The following RBFOX1 variants were observed in gnomAD, a reference collection of about 807,000 sequenced individuals.
RBFOX1 encodes the protein RNA binding protein fox-1 homolog 1.
Under a neutral mutation model 57.7 loss-of-function variants are expected in RBFOX1, and 8 were observed. That is an observed-to-expected ratio of 0.14 (90% CI 0.08 to 0.25). The LOEUF (loss-of-function observed/expected upper bound fraction) is 0.25, where lower values mean the gene tolerates loss of function less well. RBFOX1 is among the 10% of genes least tolerant of loss of function. The pLI is 1.00. For synonymous variants in RBFOX1, 326 were observed against 222.4 expected (o/e 1.47, Z -4.15); for missense variants, 611 against 548.5 (o/e 1.11, Z -1.14).
At chr16:7,514,947 T>G (rs2076029332) in intron 4 of RBFOX1, among the ~76,000 whole-genome samples, 2 of 152,212 alleles carry the variant, frequency 1.3e-5, no homozygotes, top group Non-Finnish European at 2.9e-5. Context: ...AACCTTTGTC[T>G]TCATATGATC....
At chr16:7,196,371 T>C (rs1320040282) in intron 4 of RBFOX1, among the ~76,000 whole-genome samples, 3 of 151,970 alleles carry the variant, frequency 2.0e-5, no homozygotes, top group Non-Finnish European at 4.4e-5. Flanking sequence ...TCACTCCCCC[T>C]CTCCCCAGCC....
chr16:6,541,941 TC>T (rs202145806), intron 2 of RBFOX1, among the ~76,000 whole-genome samples: 2 of 150,058 alleles, frequency 1.3e-5, no homozygotes, highest in Non-Finnish European at 2.9e-5. Context: ...GATTTACATC[TC>T]CCCCTTTTTT....
intron 3 of RBFOX1, among the ~76,000 whole-genome samples, chr16:6,919,787 C>G (rs368161874): frequency 2.2e-5 from 1 of 44,490 alleles, no homozygotes; most frequent in African/African-American, 8.5e-5. Context: ...TTTTTTTTTT[C>G]ATTATTATTA....
At chr16:5,467,787 A>C (rs1412037404) in intron 2 of RBFOX1, among the ~76,000 whole-genome samples, 1 of 152,352 alleles carries the variant, frequency 6.6e-6, no homozygotes, top group South Asian at 2.1e-4. Context: ...TGGCCCTTGG[A>C]TAGAGGAAGT....
intron 1 of RBFOX1, among the ~76,000 whole-genome samples, chr16:6,312,892 G>A (rs2080545371): frequency 6.6e-6 from 1 of 152,102 alleles, no homozygotes; most frequent in African/African-American, 2.4e-5. Flanking sequence ...CCCTCATGGA[G>A]CTAACTAACA....
At chr16:6,607,366 C>A (rs974471135) in intron 2 of RBFOX1, among the ~76,000 whole-genome samples, 1 of 150,768 alleles carries the variant, frequency 6.6e-6, no homozygotes, top group Non-Finnish European at 1.5e-5. Context: ...ATGTTATAAC[C>A]ATATGACCAA....
At chr16:7,189,568 C>A (rs1206353577) in intron 4 of RBFOX1, among the ~76,000 whole-genome samples, 2 of 150,492 alleles carry the variant, frequency 1.3e-5, no homozygotes, top group Non-Finnish European at 3.0e-5. Context: ...CACACACACA[C>A]ACACACACAC....
intron 3 of RBFOX1, among the ~76,000 whole-genome samples, chr16:6,995,818 T>G (rs1006298269): frequency 6.6e-6 from 1 of 152,034 alleles, no homozygotes; most frequent in Non-Finnish European, 1.5e-5. Flanking sequence ...AAGCTAGAGG[T>G]ACTTACACTT....
intron 3 of RBFOX1, among the ~76,000 whole-genome samples, chr16:5,773,162 C>T (rs953889908): frequency 3.3e-5 from 5 of 152,100 alleles, no homozygotes; most frequent in African/African-American, 9.7e-5. Context: ...AACTCCAGTG[C>T]TATGCTGAAG....
Position 7,446,051 on chromosome 16 carries a change from G to C in RBFOX1, c.28-72096G>C, listed in dbSNP as rs1267495643. The stretch of plus-strand genomic sequence containing the variant: ...AGCATGGTCTTGCTACAGCCGCTTT[G>C]CTCCCCTGCTACTCCATCTTGTCTG... On this transcript the variant is annotated intron_variant, in intron 4 of 15. Coordinates refer to ENST00000550418, the MANE Select transcript of RBFOX1 (RefSeq NM_018723.4). Among the ~76,000 whole-genome samples, 4 of 152,254 alleles carry C rather than the reference G, an allele frequency of 2.6e-5. No individual in the cohort carries two copies. In the East Asian group the frequency reaches 7.7e-4, roughly 29 times the overall value.
At chr16:5,292,874 C>T (rs761869919) in intron 1 of RBFOX1, among the ~76,000 whole-genome samples, 43 of 152,014 alleles carry the variant, frequency 2.8e-4, no homozygotes, top group South Asian at 4.2e-4. Flanking sequence ...CCATCCACCT[C>T]GGCCTCCCAA....
intron 4 of RBFOX1, among the ~76,000 whole-genome samples, chr16:7,221,671 C>G (rs549203571): frequency 6.6e-6 from 1 of 152,262 alleles, no homozygotes; most frequent in African/African-American, 2.4e-5. Context: ...CTGCCGTTGA[C>G]TTATTTATTT....
intron 3 of RBFOX1, among the ~76,000 whole-genome samples, chr16:6,676,624 G>C (rs75771225): frequency 0.036 from 5,446 of 150,842 alleles, 153 homozygotes; most frequent in Non-Finnish European, 0.052. Context: ...AGCCTTTACA[G>C]ATGTTATTCT....
intron 3 of RBFOX1, among the ~76,000 whole-genome samples, chr16:5,699,398 G>T (rs2050956476): frequency 6.9e-6 from 1 of 145,114 alleles, no homozygotes; most frequent in African/African-American, 2.6e-5. Context: ...CTGCTCTTGG[G>T]TCAATAAAGT....
intron 3 of RBFOX1, among the ~76,000 whole-genome samples, chr16:6,796,734 A>G (rs1019436261): frequency 1.3e-5 from 2 of 152,172 alleles, no homozygotes; most frequent in African/African-American, 4.8e-5. Context: ...GTACACATTT[A>G]TGATCCTAAA....
At chr16:7,339,380 G>C (rs948130212) in intron 4 of RBFOX1, among the ~76,000 whole-genome samples, 1 of 152,180 alleles carries the variant, frequency 6.6e-6, no homozygotes, top group Non-Finnish European at 1.5e-5. Context: ...GGAAAAGCTA[G>C]CATATAAAGT....
intron 4 of RBFOX1, among the ~76,000 whole-genome samples, chr16:5,921,988 C>CAAA (rs59484014): frequency 1.4e-5 from 2 of 144,446 alleles, no homozygotes; most frequent in African/African-American, 5.0e-5. Flanking sequence ...GCCATCTTCA[C>CAAA]AAAAAAAAAA....
chr16:6,872,459 A>C (rs2061099432), intron 3 of RBFOX1, among the ~76,000 whole-genome samples: 1 of 152,168 alleles, frequency 6.6e-6, no homozygotes. Context: ...CAACTTAGGA[A>C]ACAGCTGAAT....
intron 5 of RBFOX1, among the ~76,000 whole-genome samples, chr16:7,533,738 T>C (rs1329802215): frequency 6.6e-6 from 1 of 152,216 alleles, no homozygotes; most frequent in Admixed American, 6.5e-5. Context: ...TGAATGTGTA[T>C]TGTTTCCACA....
Sources: gnomAD v4.1 joint callset for allele counts (sites outside exome capture counted in the v4.1 genomes callset) on GRCh38, gnomAD v4.1.1 for gene constraint, MANE v1.5 for transcripts, NCBI Gene and HGNC (gene_info 2026-07-23, HGNC 2026-07-21) for gene names.